Variants in MAPK8 observed in about 807,000 individuals in gnomAD.
MAPK8 encodes mitogen-activated protein kinase 8, also known as JUN N-terminal kinase.
MAPK8 carries 13 observed loss-of-function variants against 52.9 expected under a neutral mutation model. The ratio of observed to expected loss-of-function variants is 0.25; its 90% CI spans 0.16 to 0.39. The LOEUF is 0.39. Ranked by LOEUF, MAPK8 falls within the 10% of genes least tolerant of loss-of-function variation. MAPK8 has a pLI of 1.00. For missense variants in MAPK8, 300 were observed against 519.2 expected (o/e 0.58, Z 4.10); for synonymous variants, 191 against 169.8 (o/e 1.12, Z -0.97).
intron 11 of MAPK8, 148 bp from the exon 12 acceptor site, chr10:48,434,736 A>T: frequency 1.9e-6 from 1 of 518,054 alleles, no homozygotes. Flanking sequence ...TTTTTAAGTT[A>T]GTGTGTTGGA....
chr10:48,363,605 A>T (rs959565284), intron 1 of MAPK8, among the ~76,000 whole-genome samples: 4 of 152,138 alleles, frequency 2.6e-5, no homozygotes, highest in African/African-American at 9.7e-5. Context: ...ATCAATTTTA[A>T]TGTACTGTTC....
At chr10:48,313,728 T>G (rs1842218167) in intron 1 of MAPK8, among the ~76,000 whole-genome samples, 1 of 152,238 alleles carries the variant, frequency 6.6e-6, no homozygotes, top group Admixed American at 6.5e-5. Context: ...ATGCAATATG[T>G]ATCACCTTTT....
intron 1 of MAPK8, among the ~76,000 whole-genome samples, chr10:48,388,223 A>G (rs1331140645): frequency 6.6e-6 from 1 of 152,220 alleles, no homozygotes; most frequent in Non-Finnish European, 1.5e-5. Context: ...TGGGAATTTC[A>G]GGAGCTCGTT....
At chr10:48,363,562 C>T (rs748336691) in intron 1 of MAPK8, among the ~76,000 whole-genome samples, 5 of 152,152 alleles carry the variant, frequency 3.3e-5, no homozygotes, top group African/African-American at 9.7e-5. Flanking sequence ...CATCTTTCCT[C>T]GATATCTACT....
In MAPK8 at chr10:48,339,292, A is replaced by G. The variant is rs765842359; in HGVS notation, c.-50+32471A>G. Among the ~76,000 whole-genome samples the G allele has an allele frequency of 1.1e-4, 17 of 152,176 alleles. No homozygotes were observed. In the South Asian group the frequency reaches 1.9e-3, roughly 17 times the overall value. On this transcript the variant is annotated intron_variant, in intron 1 of 11. Coordinates refer to ENST00000374189, the MANE Select transcript of MAPK8 (RefSeq NM_001323329.2). ...CCAGAAATAAAGCCACACACCTGCT[A>G]TGAACTGATCTTCAACTGAGTCAAC... is the stretch of plus-strand genomic sequence containing the variant.
rs184490096 is a variant in MAPK8, at chr10:48,307,740, G to A, written c.-50+919G>A. Among the ~76,000 whole-genome samples the A allele has an allele frequency of 2.0e-5, 3 of 152,214 alleles. No individual in the cohort carries two copies. The East Asian group carries it at 5.8e-4, about 29-fold the overall frequency. ...GATCTTTCCAGTAGAATTCTGGTCC[G>A]TCAGTCCATTGTGTTTTGAGATAAG... On this transcript the variant is annotated intron_variant, in intron 1 of 11. Coordinates refer to ENST00000374189, the MANE Select transcript of MAPK8 (RefSeq NM_001323329.2).
At chr10:48,366,522 C>T (rs990066322) in intron 1 of MAPK8, among the ~76,000 whole-genome samples, 2 of 152,142 alleles carry the variant, frequency 1.3e-5, no homozygotes, top group African/African-American at 2.4e-5. Flanking sequence ...AGGGTATACT[C>T]CTAAGTTAGG....
chr10:48,424,084 A>G lies in MAPK8; in HGVS notation c.617-4A>G. 2 of 1,610,674 alleles carry G rather than the reference A, an allele frequency of 1.2e-6. No individual in the cohort carries two copies. The highest frequency in any genetic ancestry group is 8.5e-7 in the Non-Finnish European group (1 of 1,177,804). ...TTTCCTTCTTTTGTGCTGCAAACAT[A>G]TAGTGGATTTATGGTCTGTGGGGTG... is the stretch of plus-strand genomic sequence containing the variant. On this transcript the variant is annotated splice_polypyrimidine_tract_variant and splice_region_variant and intron_variant, in intron 6 of 11. Coordinates refer to ENST00000374189, the MANE Select transcript of MAPK8 (RefSeq NM_001323329.2).
At chr10:48,425,363 G>A (rs1231813382) in intron 7 of MAPK8, 1 of 461,986 alleles carries the variant, frequency 2.2e-6, no homozygotes. Flanking sequence ...TTAAACCTAA[G>A]CTAAACAAAG....
intron 1 of MAPK8, among the ~76,000 whole-genome samples, chr10:48,316,543 G>T (rs1470683434): frequency 6.6e-6 from 1 of 152,210 alleles, no homozygotes; most frequent in Admixed American, 6.5e-5. Context: ...TCTGGTGTCA[G>T]AGAGCATGCA....
intron 1 of MAPK8, among the ~76,000 whole-genome samples, chr10:48,322,246 G>A (rs912739294): frequency 6.6e-6 from 1 of 151,930 alleles, no homozygotes; most frequent in Non-Finnish European, 1.5e-5. Context: ...TGAATGTAAC[G>A]ATTATGGAGT....
chr10:48,357,527 G>A (rs1847094429), intron 1 of MAPK8, among the ~76,000 whole-genome samples: 2 of 152,052 alleles, frequency 1.3e-5, no homozygotes, highest in African/African-American at 2.4e-5. Context: ...TGAAGTGGGA[G>A]CTGGGACTAT....
chr10:48,312,229 G>A (rs1293195353), intron 1 of MAPK8, among the ~76,000 whole-genome samples: 1 of 152,104 alleles, frequency 6.6e-6, no homozygotes. Context: ...ATAAGAAAAG[G>A]CAAACCTTAT....
chr10:48,358,472 T>A (rs1847194909), intron 1 of MAPK8, among the ~76,000 whole-genome samples: 1 of 152,186 alleles, frequency 6.6e-6, no homozygotes, highest in African/African-American at 2.4e-5. Flanking sequence ...GTCTTTTTTG[T>A]TGTTGAATTG....
intron 7 of MAPK8, 146 bp from the exon 8 acceptor site, chr10:48,425,741 CT>C: frequency 2.1e-6 from 1 of 479,110 alleles, no homozygotes; most frequent in Non-Finnish European, 3.7e-6. Context: ...CAATCATTGC[CT>C]TTTGCAGGGT....
chr10:48,354,245 G>C (rs1031409436), intron 1 of MAPK8, among the ~76,000 whole-genome samples: 1 of 152,224 alleles, frequency 6.6e-6, no homozygotes, highest in Non-Finnish European at 1.5e-5. Context: ...GAAGGTACAG[G>C]ATGTCTGGGA....
intron 1 of MAPK8, among the ~76,000 whole-genome samples, chr10:48,318,175 C>T (rs1056346001): frequency 1.3e-5 from 2 of 152,086 alleles, no homozygotes; most frequent in African/African-American, 4.8e-5. Flanking sequence ...AATACTGCAG[C>T]CTTGAGGCAG....
At chr10:48,426,797 T>A (rs1033036448) in intron 9 of MAPK8, 2 of 478,254 alleles carry the variant, frequency 4.2e-6, no homozygotes, top group Middle Eastern at 5.6e-4. Context: ...TAAAACAAAT[T>A]ACTGTATCCA....
At chr10:48,388,287 T>G (rs1030200296) in intron 1 of MAPK8, among the ~76,000 whole-genome samples, 1 of 152,212 alleles carries the variant, frequency 6.6e-6, no homozygotes, top group Admixed American at 6.5e-5. Context: ...AATTCTAAGG[T>G]TAGCCATTAA....
Sources: allele counts gnomAD v4.1 joint callset (sites outside exome capture counted in the v4.1 genomes callset), GRCh38; gene constraint gnomAD v4.1.1; transcripts MANE v1.5; gene names NCBI Gene and HGNC (gene_info 2026-07-23, HGNC 2026-07-21).